The following CNBD1 variants were observed in gnomAD, a reference collection of about 807,000 sequenced individuals.
CNBD1 encodes the protein cyclic nucleotide binding domain containing 1.
Under a neutral mutation model 54.4 loss-of-function variants are expected in CNBD1, and 71 were observed. The ratio of observed to expected loss-of-function variants is 1.30; its 90% CI spans 1.08 to 1.59. The LOEUF (loss-of-function observed/expected upper bound fraction) is 1.59, where lower values mean the gene tolerates loss of function less well. CNBD1 is among the 40% of genes most tolerant of loss of function. The pLI, the probability that CNBD1 is intolerant of heterozygous loss-of-function variation, is 0.00. For synonymous variants in CNBD1, 182 were observed against 170.7 expected (o/e 1.07, Z -0.51); for missense variants, 659 against 518.0 (o/e 1.27, Z -2.64).
At chr8:87,367,111 A>C (rs1442002167) in intron 10 of CNBD1, among the ~76,000 whole-genome samples, 3 of 151,956 alleles carry the variant, frequency 2.0e-5, no homozygotes, top group Non-Finnish European at 4.4e-5. Flanking sequence ...GCTGTCTTTT[A>C]CACATGAGAT....
At chr8:87,133,570 A>G (rs74701159) in intron 4 of CNBD1, among the ~76,000 whole-genome samples, 2 of 151,972 alleles carry the variant, frequency 1.3e-5, no homozygotes, top group African/African-American at 4.8e-5. Context: ...CCTTCACTCA[A>G]GTTTTCTCTT....
intron 8 of CNBD1, among the ~76,000 whole-genome samples, chr8:87,321,484 T>A (rs530559296): frequency 3.3e-5 from 5 of 152,304 alleles, no homozygotes; most frequent in African/African-American, 9.6e-5. Context: ...GTTCTACATT[T>A]GGATGTCTTT....
chr8:87,049,392 A>G (rs1163423353), intron 4 of CNBD1, among the ~76,000 whole-genome samples: 1 of 152,174 alleles, frequency 6.6e-6, no homozygotes, highest in Non-Finnish European at 1.5e-5. Context: ...ATCAGTATAA[A>G]TGTTAACTGC....
intron 4 of CNBD1, among the ~76,000 whole-genome samples, chr8:87,071,352 T>G (rs960172172): frequency 1.3e-5 from 2 of 152,142 alleles, no homozygotes; most frequent in Non-Finnish European, 2.9e-5. Context: ...TTGCTGCAAT[T>G]CAGACATTTC....
chr8:87,408,295 A>C (rs1395018048), intron 2 of CNBD1, among the ~76,000 whole-genome samples: 2 of 151,922 alleles, frequency 1.3e-5, no homozygotes, highest in Non-Finnish European at 2.9e-5. Context: ...CTTATGCTTC[A>C]AACTGAGCAT....
At chr8:87,130,433 GT>G (rs1240716127) in intron 4 of CNBD1, among the ~76,000 whole-genome samples, 1 of 152,132 alleles carries the variant, frequency 6.6e-6, no homozygotes, top group Admixed American at 6.5e-5. Context: ...GGATAATAAT[GT>G]TATTCGGCCC....
intron 3 of CNBD1, among the ~76,000 whole-genome samples, chr8:86,921,339 T>A (rs1809267979): frequency 6.6e-6 from 1 of 151,802 alleles, no homozygotes. Context: ...GAGATGCTCC[T>A]TGTGTTTTTT....
chr8:87,126,423 C>G (rs1471886585), intron 4 of CNBD1, among the ~76,000 whole-genome samples: 1 of 151,954 alleles, frequency 6.6e-6, no homozygotes, highest in Admixed American at 6.6e-5. Flanking sequence ...TCAGTGTATT[C>G]ATTTCCCATC....
chr8:87,360,935 G>T (rs1055602001), intron 10 of CNBD1, among the ~76,000 whole-genome samples: 12 of 151,754 alleles, frequency 7.9e-5, no homozygotes, highest in Admixed American at 7.2e-4. Context: ...CATTTCAGGG[G>T]CAATAAATAT....
At chr8:87,399,080 A>G (rs912449096) in intron 2 of CNBD1, among the ~76,000 whole-genome samples, 1 of 152,050 alleles carries the variant, frequency 6.6e-6, no homozygotes, top group African/African-American at 2.4e-5. Flanking sequence ...TCATTTATTG[A>G]TTTCATTATA....
chr8:87,223,102 C>T (rs1301719008), intron 5 of CNBD1, among the ~76,000 whole-genome samples: 3 of 147,050 alleles, frequency 2.0e-5, no homozygotes, highest in Admixed American at 1.4e-4. Context: ...AATTTCCAGA[C>T]TTACATAAAA....
chr8:87,077,286 G>A (rs910460977), intron 4 of CNBD1, among the ~76,000 whole-genome samples: 11 of 152,110 alleles, frequency 7.2e-5, no homozygotes, highest in Admixed American at 1.3e-4. Context: ...CCTAGGTCGG[G>A]CTGTCAGCAG....
Position 87,205,486 on chromosome 8 carries a change from A to G in CNBD1, c.432-507A>G, listed in dbSNP as rs77628013. On this transcript the variant is annotated intron_variant, in intron 4 of 10. Transcript: ENST00000518476. ...AATAAATACCATGTATTATATGATAATCATGTTTCATTTAAAAGTACATAC... is the reference window on the plus strand; with the variant it reads ...AATAAATACCATGTATTATATGATAGTCATGTTTCATTTAAAAGTACATAC... Among the ~76,000 whole-genome samples the G allele has an allele frequency of 8.4e-3, 1,278 of 152,270 alleles. 29 individuals carry two copies. Among genetic ancestry groups the G allele is most frequent in the South Asian group, 0.026 (127 of 4,832 alleles).
chr8:87,056,094 TAA>T (rs2130631124), intron 4 of CNBD1, among the ~76,000 whole-genome samples: 1 of 152,202 alleles, frequency 6.6e-6, no homozygotes, highest in South Asian at 2.1e-4. Context: ...ACTTTACAGA[TAA>T]AGAGTCCTAG....
chr8:87,397,267 C>G (rs186252153), intron 2 of CNBD1, among the ~76,000 whole-genome samples: 81 of 151,998 alleles, frequency 5.3e-4, no homozygotes, highest in Non-Finnish European at 1.1e-3. Context: ...GAGAAAGGAA[C>G]AGCCTCCCAT....
intron 3 of CNBD1, among the ~76,000 whole-genome samples, chr8:86,914,074 G>A (rs1334751437): frequency 4.6e-5 from 7 of 152,046 alleles, no homozygotes; most frequent in Admixed American, 1.3e-4. Context: ...CCTGAAAATC[G>A]CTGTTATCCT....
chr8:87,394,907 AG>A (rs1333646145), intron 2 of CNBD1, among the ~76,000 whole-genome samples: 1 of 151,916 alleles, frequency 6.6e-6, no homozygotes, highest in Non-Finnish European at 1.5e-5. Context: ...AATAAAGCAA[AG>A]CAAGATGAGA....
At position 87,182,802 on chromosome 8, in the gene CNBD1, C is replaced by T. The variant is rs1404001317; in HGVS notation, c.432-23191C>T. Among the ~76,000 whole-genome samples the T allele has an allele frequency of 6.6e-6, 1 of 152,156 alleles. No homozygotes were observed. Among genetic ancestry groups the T allele is most frequent in the Non-Finnish European group, 1.5e-5 (1 of 68,028 alleles). On this transcript the variant is annotated intron_variant, in intron 4 of 10. Transcript: ENST00000518476. The surrounding 1 kb of genome is among the most constrained non-coding windows in gnomAD (Gnocchi z 4.1). ...TAGTTTCTGGATATTAGAACTTTGT[C>T]TGAAGCATAGTTTGCAAGTATTTTC...
intron 7 of CNBD1, 52 bp downstream of exon 7, chr8:87,284,867 G>A: frequency 4.6e-6 from 6 of 1,294,932 alleles, no homozygotes; most frequent in Non-Finnish European, 6.3e-6. Flanking sequence ...ATAAACTCAA[G>A]CTACATTTTG....
Sources: gnomAD v4.1 joint callset for allele counts (sites outside exome capture counted in the v4.1 genomes callset) on GRCh38, gnomAD v4.1.1 for gene constraint, Gnocchi (gnomAD v3.1) non-coding constraint, MANE v1.5 for transcripts, NCBI Gene and HGNC (gene_info 2026-07-23, HGNC 2026-07-21) for gene names.